Variants in TRIP12 observed in about 807,000 individuals in gnomAD.
TRIP12 encodes the protein thyroid hormone receptor interactor 12, also known as E3 ubiquitin-protein ligase TRIP12.
TRIP12 carries 25 observed loss-of-function variants against 244.2 expected under a neutral mutation model. The observed-to-expected ratio is 0.10, with a 90% CI of 0.07 to 0.14. The LOEUF is 0.14. TRIP12 is among the 10% of genes least tolerant of loss of function. TRIP12 has a pLI of 1.00. For synonymous variants in TRIP12, 905 were observed against 873.1 expected (o/e 1.04, Z -0.64); for missense variants, 1,677 against 2,486.4 (o/e 0.67, Z 6.92).
chr2:229,922,197 C>G (rs1019281665), upstream of TRIP12: 3 of 250,780 alleles, frequency 1.2e-5, no homozygotes, highest in South Asian at 7.3e-5. Flanking sequence ...TCAGCAGCCT[C>G]CGATCTCCGC....
At chr2:229,791,816 A>G in intron 29 of TRIP12, 50 bp downstream of exon 29, 2 of 1,583,832 alleles carry the variant, frequency 1.3e-6, no homozygotes, top group Non-Finnish European at 8.6e-7. Context: ...AAAACACAAG[A>G]ACAGTTTCAA....
Position 229,764,909 on chromosome 2 carries a change from C to T in TRIP12, c.*2645G>A, listed in dbSNP as rs945860288. The T allele has an allele frequency of 4.6e-5, 7 of 152,154 alleles. No homozygotes were observed. Among genetic ancestry groups the T allele is most frequent in the African/African-American group, 1.7e-4 (7 of 41,424 alleles). The allele number at this position is 152,154 out of a possible 1,614,324, so 9.4% of individuals were successfully genotyped here. On this transcript the variant is annotated 3_prime_UTR_variant, in exon 42 of 42. Transcript: ENST00000675903. ...CACTACAAATGCAGGGAACCAGAGA[C>T]AAGCATGAGAAGAGAAAAATCTGCG...
In TRIP12 at chr2:229,792,995, G is replaced by C; in HGVS notation, c.4119C>G (p.Ile1373Met). Residue 1373 changes from isoleucine (I) to methionine (M), a missense_variant, in exon 27 of 42, where the codon ATC becomes ATG. Physicochemically the swap from Ile to Met is conservative, Grantham distance 10. Coordinates refer to ENST00000675903, the MANE Select transcript of TRIP12 (RefSeq NM_001348323.3). ...KIDPLALVQA[I>M]ERYLVVRGYG... ...TACCTCTAACTACAAGGTATCTCTC[G>C]ATGGCTTGTACCAAAGCCAGAGGGT... The C allele has an allele frequency of 6.2e-7, 1 of 1,613,266 alleles. No individual in the cohort carries two copies. The highest frequency in any genetic ancestry group is 8.5e-7 in the Non-Finnish European group (1 of 1,179,620).
intron 1 of TRIP12, among the ~76,000 whole-genome samples, chr2:229,885,858 C>A (rs2065908685): frequency 6.6e-6 from 1 of 152,046 alleles, no homozygotes; most frequent in African/African-American, 2.4e-5. Context: ...GTAAGACCTA[C>A]AAGTACTTAC....
intron 1 of TRIP12, among the ~76,000 whole-genome samples, chr2:229,912,910 C>A (rs954083502): frequency 2.0e-5 from 3 of 152,228 alleles, no homozygotes; most frequent in East Asian, 1.9e-4. Flanking sequence ...CACTCTGTGG[C>A]CTAGACTGGA....
chr2:229,779,383 C>A (rs911872429), intron 34 of TRIP12, among the ~76,000 whole-genome samples: 1 of 152,190 alleles, frequency 6.6e-6, no homozygotes, highest in Non-Finnish European at 1.5e-5. Context: ...AGGCTCCCCC[C>A]AGCATCTGCT....
At chr2:229,846,901 T>C (rs2057686886) in intron 4 of TRIP12, among the ~76,000 whole-genome samples, 1 of 152,190 alleles carries the variant, frequency 6.6e-6, no homozygotes, top group Non-Finnish European at 1.5e-5. Context: ...CTAAGCAGTA[T>C]TTATAATGAG....
At chr2:229,905,789 A>G (rs970592901) in intron 1 of TRIP12, among the ~76,000 whole-genome samples, 4 of 152,180 alleles carry the variant, frequency 2.6e-5, no homozygotes, top group Non-Finnish European at 5.9e-5. Context: ...ACGCCCACCA[A>G]TCAGAGCAAG....
chr2:229,880,962 C>G (rs1171383721), intron 1 of TRIP12, among the ~76,000 whole-genome samples: 2 of 152,038 alleles, frequency 1.3e-5, no homozygotes, highest in African/African-American at 4.8e-5. Context: ...ACAAAACAAA[C>G]AAAATTGTAA....
chr2:229,792,154 A>G lies in TRIP12; in HGVS notation c.4214T>C (p.Leu1405Pro). Reference sequence around the variant, plus strand: ...CATGGTGGGAATATAGTACCTTACCAGAGACTCATCTATTTCCTCATCTGA... The same window carrying G: ...CATGGTGGGAATATAGTACCTTACCGGAGACTCATCTATTTCCTCATCTGA... ...DGSDEEIDES[L>P]AAQFLNSGNV... Residue 1405 changes from leucine to proline, a missense_variant and splice_region_variant, in exon 28 of 42, where the codon CTG becomes CCG. By Grantham distance (98) the Leu-to-Pro change is moderately conservative (BLOSUM62 -3). Coordinates refer to ENST00000675903, the MANE Select transcript of TRIP12 (RefSeq NM_001348323.3). 1 of 1,614,092 alleles carries G rather than the reference A, an allele frequency of 6.2e-7. No individual in the cohort carries two copies. The highest frequency in any genetic ancestry group is 8.5e-7 in the Non-Finnish European group (1 of 1,179,980).
In TRIP12 at chr2:229,777,327, T is replaced by C; in HGVS notation, c.5517A>G (p.Gln1839=). The change falls in exon 37 of 42, where the codon CAA becomes CAG. Residue 1839 remains glutamine, a synonymous_variant. Transcript: ENST00000675903. ...DIVRQKKRLE[Q]DKSQTKESLQ... ...CTTCTAAGCCTACCTGGGATTTATC[T>C]TGTTCAAGTCTTTTCTTCTGTCTGA... The C allele has an allele frequency of 6.2e-7, 1 of 1,612,978 alleles. No individual in the cohort carries two copies. The highest frequency in any genetic ancestry group is 1.7e-5 in the Admixed American group (1 of 60,026).
chr2:229,888,552 T>C (rs537585707), intron 1 of TRIP12, among the ~76,000 whole-genome samples: 3 of 151,530 alleles, frequency 2.0e-5, no homozygotes, highest in East Asian at 1.9e-4. Context: ...GGAAGACAGA[T>C]AGGCAGAGTT....
chr2:229,832,398 G>A (rs1032685745), intron 6 of TRIP12, among the ~76,000 whole-genome samples: 3 of 152,140 alleles, frequency 2.0e-5, no homozygotes, highest in Admixed American at 6.5e-5. Context: ...AAAAGTGTTG[G>A]TAACTCCCCC....
At position 229,816,710 on chromosome 2, in the gene TRIP12, T is replaced by C. The variant is rs16826380; in HGVS notation, c.1600-1402A>G. On this transcript the variant is annotated intron_variant, in intron 9 of 41. Transcript: ENST00000675903. ...TGTCAACATTTCTGCCTAGACTTAA[T>C]GGCTTCTTTATTTAACTAATAAAAA... Among the ~76,000 whole-genome samples the C allele has an allele frequency of 9.7e-3, 1,474 of 152,366 alleles. 33 individuals carry two copies. The highest frequency in any genetic ancestry group is 0.034 in the African/African-American group (1,400 of 41,592).
Position 229,805,752 on chromosome 2 carries a change from G to T in TRIP12, c.2628C>A (p.Asn876Lys). The change falls in exon 18 of 42, where the codon AAC becomes AAA. Residue 876 changes from asparagine (N) to lysine (K), a missense_variant. Coordinates refer to ENST00000675903, the MANE Select transcript of TRIP12 (RefSeq NM_001348323.3). ...GTARAIQRKP[N>K]PLANSNTSGY... Reference sequence around the variant, plus strand: ...TACTAGTGTTACTATTGGCTAACGGGTTAGGTTTTCTCTGAATGGCACGTG... The same window carrying T: ...TACTAGTGTTACTATTGGCTAACGGTTTAGGTTTTCTCTGAATGGCACGTG... The T allele has an allele frequency of 6.2e-7, 1 of 1,600,970 alleles. No homozygotes were observed. The highest frequency in any genetic ancestry group is 8.5e-7 in the Non-Finnish European group (1 of 1,169,720).
intron 6 of TRIP12, chr2:229,831,245 G>T: frequency 3.0e-6 from 2 of 663,948 alleles, no homozygotes; most frequent in South Asian, 1.7e-5. Flanking sequence ...TAGACATTTG[G>T]GGGAAATGTT....
chr2:229,910,338 T>G (rs2074019060), intron 1 of TRIP12, among the ~76,000 whole-genome samples: 1 of 152,242 alleles, frequency 6.6e-6, no homozygotes, highest in Non-Finnish European at 1.5e-5. Context: ...ACCTTCATTT[T>G]CTTTTTTAGT....
chr2:229,890,080 CT>C (rs11303479), intron 1 of TRIP12, among the ~76,000 whole-genome samples: 66,233 of 129,724 alleles, frequency 0.51, 15,724 homozygotes, highest in Middle Eastern at 0.61. Flanking sequence ...GAGGTTAACT[CT>C]TTTTTTTTTT....
chr2:229,765,212 T>C lies in TRIP12; in HGVS notation c.*2342A>G, dbSNP rs1433468026. 6.6e-6 allele frequency: 1 copy of C among 152,140 alleles called. No individual in the cohort carries two copies. The highest frequency in any genetic ancestry group is 1.5e-5 in the Non-Finnish European group (1 of 68,024). 9.4% of individuals were successfully genotyped at this position (152,140 alleles called of 1,614,324 possible). On this transcript the variant is annotated 3_prime_UTR_variant, in exon 42 of 42. Coordinates refer to ENST00000675903, the MANE Select transcript of TRIP12 (RefSeq NM_001348323.3). ...TGACTGACTCCATCTCAGCAAAAAA[T>C]AAAGGACAACAAAATCTCAGTTGTT...
Sources: gnomAD v4.1 joint callset for allele counts (sites outside exome capture counted in the v4.1 genomes callset) on GRCh38, gnomAD v4.1.1 for gene constraint, MANE v1.5 for transcripts, NCBI Gene and HGNC (gene_info 2026-07-23, HGNC 2026-07-21) for gene names.